FRK: variants seen among roughly 807,000 people sequenced by gnomAD.
FRK encodes tyrosine-protein kinase FRK.
Under a neutral mutation model 56.4 loss-of-function variants are expected in FRK, and 51 were observed. The ratio of observed to expected loss-of-function variants is 0.90; its 90% CI spans 0.72 to 1.14. The LOEUF is 1.14. Among genes scored for constraint, FRK ranks in the 50% most tolerant of loss-of-function variants. The pLI, the probability that FRK is intolerant of heterozygous loss-of-function variation, is 0.00. For synonymous variants in FRK, 245 were observed against 217.9 expected, an observed-to-expected ratio of 1.12 and a Z score of -1.10; for missense variants, 570 against 601.4, an observed-to-expected ratio of 0.95 and a Z score of 0.55.
rs2114500587 is a variant in FRK, at chr6:115,940,705, T to C, written c.*1709A>G. 1 of 152,326 alleles carries C rather than the reference T, an allele frequency of 6.6e-6. No individual in the cohort carries two copies. Among genetic ancestry groups the C allele is most frequent in the African/African-American group, 2.4e-5 (1 of 41,568 alleles). 9.4% of individuals were successfully genotyped at this position (152,326 alleles called of 1,614,324 possible). On this transcript the variant is annotated 3_prime_UTR_variant, in exon 8 of 8. Transcript: ENST00000606080. ...GACACATTTCAAAAGAAGATATTTA[T>C]GCAGCCAACAGACATATGAAAAAAA... is the stretch of plus-strand genomic sequence containing the variant.
chr6:116,040,691 T>C (rs1436872438), intron 1 of FRK, among the ~76,000 whole-genome samples: 1 of 152,140 alleles, frequency 6.6e-6, no homozygotes. Context: ...CATTTGCTAT[T>C]AGAAATTTAG....
chr6:115,962,171 C>G (rs1326512556), intron 4 of FRK, among the ~76,000 whole-genome samples: 5 of 132,590 alleles, frequency 3.8e-5, no homozygotes, highest in Non-Finnish European at 8.0e-5. Flanking sequence ...CAGAGACACA[C>G]ATAGGCTCAA....
At chr6:116,003,710 T>C (rs1392993242) in intron 2 of FRK, among the ~76,000 whole-genome samples, 167 bp downstream of exon 2, 1 of 152,184 alleles carries the variant, frequency 6.6e-6, no homozygotes, top group Non-Finnish European at 1.5e-5. Context: ...ACAGTATCTT[T>C]TTGGCTAATT....
At chr6:115,968,859 C>A in intron 2 of FRK, 120 bp from the exon 3 acceptor site, 1 of 822,654 alleles carries the variant, frequency 1.2e-6, no homozygotes, top group Non-Finnish European at 1.9e-6. Flanking sequence ...ATGTGTTTCT[C>A]AACTTTGTCT....
chr6:115,938,671 C>T lies in FRK; in HGVS notation c.*3743G>A, dbSNP rs1467519419. 2 of 152,082 alleles carry T rather than the reference C, an allele frequency of 1.3e-5. No individual in the cohort carries two copies. The highest frequency in any genetic ancestry group is 2.9e-5 in the Non-Finnish European group (2 of 68,004). The allele number at this position is 152,082 out of a possible 1,614,324, so 9.4% of individuals were successfully genotyped here. A position where few individuals can be genotyped will look rare whatever the true frequency, so the allele number is the denominator to read the frequency against. The stretch of plus-strand genomic sequence containing the variant: ...ACTGATCCCACAGAAATACAAAATA[C>T]CATCAGAGATTACTATAAATACCTC... On this transcript the variant is annotated 3_prime_UTR_variant, in exon 8 of 8. Coordinates refer to ENST00000606080, the MANE Select transcript of FRK (RefSeq NM_002031.3).
intron 2 of FRK, among the ~76,000 whole-genome samples, chr6:115,973,961 A>T (rs1163828673): frequency 6.6e-6 from 1 of 152,116 alleles, no homozygotes; most frequent in East Asian, 1.9e-4. Context: ...AGTTATAAAA[A>T]TATAAGAAGT....
intron 2 of FRK, among the ~76,000 whole-genome samples, chr6:115,991,873 T>A (rs1392724386): frequency 6.6e-6 from 1 of 151,670 alleles, no homozygotes; most frequent in Non-Finnish European, 1.5e-5. Context: ...ATGTCTAGTA[T>A]AACTTAGCTG....
chr6:116,023,981 A>T (rs1377079069), intron 1 of FRK, among the ~76,000 whole-genome samples: 2 of 151,934 alleles, frequency 1.3e-5, no homozygotes, highest in Admixed American at 1.3e-4. Flanking sequence ...TTGAAAAAAA[A>T]ATATTCCACT....
intron 1 of FRK, among the ~76,000 whole-genome samples, chr6:116,035,034 C>T (rs925091137): frequency 2.6e-5 from 4 of 151,748 alleles, no homozygotes; most frequent in Non-Finnish European, 5.9e-5. Context: ...GTTCTCTATC[C>T]TTTTTATATG....
In FRK at chr6:115,942,547, A is replaced by C; in HGVS notation, c.1385T>G (p.Phe462Cys). Reference sequence around the variant, plus strand: ...CCAGCACTCCAACATGATGTTGTAAAATTGCTGTGGACAGTTGGATGGTTG... The same window carrying C: ...CCAGCACTCCAACATGATGTTGTAACATTGCTGTGGACAGTTGGATGGTTG... The part of the protein sequence containing the change: ...LPQPSNCPQQ[F>C]YNIMLECWNA... The change falls in exon 8 of 8, where the codon TTT (phenylalanine) becomes TGT (cysteine). Residue 462 changes from phenylalanine (F) to cysteine (C), a missense_variant. Phe to Cys is a radical substitution (Grantham distance 205, BLOSUM62 -2). Coordinates refer to ENST00000606080, the MANE Select transcript of FRK (RefSeq NM_002031.3). The C allele has an allele frequency of 6.2e-7, 1 of 1,613,832 alleles. No individual in the cohort carries two copies. The highest frequency in any genetic ancestry group is 8.5e-7 in the Non-Finnish European group (1 of 1,179,826).
intron 4 of FRK, among the ~76,000 whole-genome samples, chr6:115,958,777 A>AGG (rs1402857498): frequency 1.1e-5 from 1 of 94,716 alleles, no homozygotes; most frequent in Non-Finnish European, 2.1e-5. Context: ...GAGGGGGGGG[A>AGG]AGGAGAGAGA....
At chr6:115,960,280 TGACG>T (rs1773288790) in intron 4 of FRK, among the ~76,000 whole-genome samples, 1 of 150,524 alleles carries the variant, frequency 6.6e-6, no homozygotes, top group Non-Finnish European at 1.5e-5. Flanking sequence ...AAGAAAGGGG[TGACG>T]GACGCACCTG....
At chr6:115,949,607 C>T (rs1290375808) in intron 5 of FRK, among the ~76,000 whole-genome samples, 1 of 152,102 alleles carries the variant, frequency 6.6e-6, no homozygotes, top group African/African-American at 2.4e-5. Context: ...GCCATACTGC[C>T]CAAAGTAATT....
the FRK span, among the ~76,000 whole-genome samples, chr6:116,091,720 G>T: frequency 6.6e-6 from 1 of 152,186 alleles, no homozygotes; most frequent in Non-Finnish European, 1.5e-5. Context: ...CCGTCAGACT[G>T]AAGACAGGGG....
At chr6:116,083,515 T>C in the FRK span, among the ~76,000 whole-genome samples, 1 of 152,122 alleles carries the variant, frequency 6.6e-6, no homozygotes, top group African/African-American at 2.4e-5. Context: ...AAGTGAAGGG[T>C]TAGCTTTACC....
chr6:116,098,306 T>G, the FRK span, among the ~76,000 whole-genome samples: 1 of 151,964 alleles, frequency 6.6e-6, no homozygotes, highest in African/African-American at 2.4e-5. Flanking sequence ...GAGATGGGTC[T>G]CGCTATGTTG....
intron 2 of FRK, among the ~76,000 whole-genome samples, chr6:115,983,439 C>G (rs1481528849): frequency 6.6e-6 from 1 of 152,146 alleles, no homozygotes; most frequent in Non-Finnish European, 1.5e-5. Context: ...TGGATAAAGT[C>G]TATTCTATGA....
At chr6:116,068,578 T>C in the FRK span, among the ~76,000 whole-genome samples, 1 of 152,324 alleles carries the variant, frequency 6.6e-6, no homozygotes, top group East Asian at 1.9e-4. Flanking sequence ...TGGCATGCCA[T>C]GTCCTTAATA....
chr6:116,026,249 G>C (rs973616246), intron 1 of FRK, among the ~76,000 whole-genome samples: 4 of 151,962 alleles, frequency 2.6e-5, no homozygotes, highest in Non-Finnish European at 4.4e-5. Flanking sequence ...TTTTTAAAAG[G>C]AAAGACTCTA....
Sources: gnomAD v4.1 joint callset for allele counts (sites outside exome capture counted in the v4.1 genomes callset) on GRCh38, gnomAD v4.1.1 for gene constraint, MANE v1.5 for transcripts, NCBI Gene and HGNC (gene_info 2026-07-23, HGNC 2026-07-21) for gene names.